The following GORAB variants were observed in gnomAD, a reference collection of about 807,000 sequenced individuals.
The protein encoded by GORAB is RAB6-interacting golgin.
In GORAB, 17 loss-of-function variants were observed where a neutral mutation model predicts 29.9. The ratio of observed to expected loss-of-function variants is 0.57; its 90% CI spans 0.39 to 0.85. The LOEUF is 0.85. GORAB is among the 40% of genes least tolerant of loss of function. The pLI is 0.00. For missense variants in GORAB, 442 were observed against 437.8 expected (o/e 1.01, Z -0.09); for synonymous variants, 183 against 157.2 (o/e 1.16, Z -1.23).
chr1:170,549,181 A>G (rs1025126152), intron 4 of GORAB, among the ~76,000 whole-genome samples: 23 of 152,224 alleles, frequency 1.5e-4, no homozygotes, highest in African/African-American at 2.2e-4. Flanking sequence ...AAACAGTTCT[A>G]TAATTACATT....
chr1:170,548,883 G>A (rs1467113296), intron 4 of GORAB, among the ~76,000 whole-genome samples: 1 of 151,882 alleles, frequency 6.6e-6, no homozygotes, highest in African/African-American at 2.4e-5. Flanking sequence ...TCTGGTAATT[G>A]CAAAATATAA....
Position 170,545,096 on chromosome 1 carries a change from CTT to C in GORAB, c.662+253_662+254del, listed in dbSNP as rs149098728. On this transcript the variant is annotated intron_variant, in intron 4 of 4. Transcript: ENST00000367763. Reference sequence around the variant, plus strand: ...TTGCATTATTTATTTACGTTTTAGTCTTTGCTGCGAAACCCTCAGCTATTTAA... The same window carrying C: ...TTGCATTATTTATTTACGTTTTAGTCTGCTGCGAAACCCTCAGCTATTTAA... The C allele has an allele frequency of 1.0e-3, 1,198 of 1,144,232 alleles. 11 individuals are homozygous for C. The African/African-American group carries it at 0.017, about 16-fold the overall frequency. The allele number at this position is 1,144,232 out of a possible 1,614,324, so 70.9% of individuals were successfully genotyped here. A position where few individuals can be genotyped will look rare whatever the true frequency, so the allele number is the denominator to read the frequency against.
intron 3 of GORAB, among the ~76,000 whole-genome samples, chr1:170,543,125 A>G (rs1390893813): frequency 6.6e-6 from 1 of 152,164 alleles, no homozygotes; most frequent in African/African-American, 2.4e-5. Context: ...TATTATGAGC[A>G]CTGTGTGAGA....
chr1:170,553,822 C>T lies in GORAB; in HGVS notation c.*1360C>T, dbSNP rs970004867. The T allele has an allele frequency of 2.2e-6, 1 of 452,760 alleles. No individual in the cohort carries two copies. Among genetic ancestry groups the T allele is most frequent in the African/African-American group, 2.0e-5 (1 of 49,944 alleles). The allele number at this position is 452,760 out of a possible 1,614,324, so 28.0% of individuals were successfully genotyped here. ...CACACTTCTTTTTCTAAGGAATAAA[C>T]AAGTCTGATGTACTTATAGTGTCTT... On this transcript the variant is annotated 3_prime_UTR_variant, in exon 5 of 5. Transcript: ENST00000367763.
intron 2 of GORAB, among the ~76,000 whole-genome samples, chr1:170,540,432 C>A (rs534229830): frequency 6.6e-6 from 1 of 151,048 alleles, no homozygotes; most frequent in Non-Finnish European, 1.5e-5. Flanking sequence ...TTTCTGAGTT[C>A]TTTTCAAAGT....
chr1:170,537,140 C>A (rs893895602), intron 1 of GORAB, among the ~76,000 whole-genome samples: 5 of 151,528 alleles, frequency 3.3e-5, no homozygotes, highest in Admixed American at 1.3e-4. Context: ...TCATTCCTTT[C>A]TTTCTTCTTT....
intron 1 of GORAB, among the ~76,000 whole-genome samples, chr1:170,535,847 T>C (rs1446269824): frequency 6.6e-6 from 1 of 152,092 alleles, no homozygotes; most frequent in Non-Finnish European, 1.5e-5. Context: ...GAGCCACCAC[T>C]CCAGGCCTTA....
In GORAB at chr1:170,539,327, T is replaced by G. The variant is rs760397381; in HGVS notation, c.179T>G (p.Leu60Ter). 2 of 1,614,064 alleles carry G rather than the reference T, an allele frequency of 1.2e-6. No individual in the cohort carries two copies. The highest frequency in any genetic ancestry group is 2.7e-5 in the African/African-American group (2 of 74,912). Residue 60 changes from leucine to a stop codon, truncating the protein, a stop_gained, in exon 2 of 5, where the codon TTA becomes TGA. Coordinates refer to ENST00000367763, the MANE Select transcript of GORAB (RefSeq NM_152281.3). LOFTEE classifies it high-confidence loss of function. ...GGGCTTCAAGATGGATCAACCTCAT[T>G]ACTTCCAGAGCAGCTGCTTTCAGCA... is the stretch of plus-strand genomic sequence containing the variant. ...KLGLQDGSTSLLPEQLLSAPK... is the reference protein window; with the variant it reads ...KLGLQDGSTS
Position 170,553,727 on chromosome 1 carries a change from A to G in GORAB, c.*1265A>G. 2.2e-6 allele frequency: 1 copy of G among 451,346 alleles called. No individual in the cohort carries two copies. The highest frequency in any genetic ancestry group is 4.4e-6 in the Non-Finnish European group (1 of 226,128). The allele number at this position is 451,346 out of a possible 1,614,324, so 28.0% of individuals were successfully genotyped here. On this transcript the variant is annotated 3_prime_UTR_variant, in exon 5 of 5. Coordinates refer to ENST00000367763, the MANE Select transcript of GORAB (RefSeq NM_152281.3). ...CATTTTACTACTGACTTCTCTAAAC[A>G]GAAGCATTTCTATAGATAGTTGTGC... is the stretch of plus-strand genomic sequence containing the variant.
At chr1:170,541,226 A>AAT (rs1553242489) in intron 2 of GORAB, among the ~76,000 whole-genome samples, 4 of 150,160 alleles carry the variant, frequency 2.7e-5, no homozygotes, top group Non-Finnish European at 3.0e-5. Context: ...AAAAAAAAAA[A>AAT]GCAGAACTGA....
In GORAB at chr1:170,539,334, A is replaced by C. The variant is rs766190900; in HGVS notation, c.186A>C (p.Pro62=). 1.2e-6 allele frequency: 2 copies of C among 1,614,084 alleles called. No individual in the cohort carries two copies. The highest frequency in any genetic ancestry group is 1.7e-6 in the Non-Finnish European group (2 of 1,180,030). Reference sequence around the variant, plus strand: ...AAGATGGATCAACCTCATTACTTCCAGAGCAGCTGCTTTCAGCACCAAAAC... The same window carrying C: ...AAGATGGATCAACCTCATTACTTCCCGAGCAGCTGCTTTCAGCACCAAAAC... ...GLQDGSTSLL[P]EQLLSAPKQR... The change falls in exon 2 of 5, where the codon CCA becomes CCC. Residue 62 remains proline, a synonymous_variant. Coordinates refer to ENST00000367763, the MANE Select transcript of GORAB (RefSeq NM_152281.3).
intron 4 of GORAB, among the ~76,000 whole-genome samples, chr1:170,548,077 A>G (rs956099533): frequency 5.3e-5 from 8 of 152,258 alleles, no homozygotes; most frequent in African/African-American, 1.9e-4. Flanking sequence ...ACTTAAAACA[A>G]CAGAAATTAC....
intron 1 of GORAB, chr1:170,533,437 C>T (rs1648840336): frequency 8.2e-6 from 3 of 364,508 alleles, no homozygotes; most frequent in Non-Finnish European, 1.8e-5. Flanking sequence ...GTGTTTTCAA[C>T]ATCCATTCAC....
intron 1 of GORAB, 183 bp downstream of exon 1, chr1:170,532,467 G>A (rs939234838): frequency 7.6e-6 from 5 of 659,026 alleles, no homozygotes; most frequent in African/African-American, 7.1e-5. Context: ...CGACGGGAGG[G>A]GCAAGCCAGA....
chr1:170,552,403 C>A lies in GORAB; in HGVS notation c.1051C>A (p.Leu351Ile). ...TGGAAATTCCAGTAGCATCCCCTTTCTTAGTCCAAACTGCCCAAATCAAGA... is the reference window on the plus strand; with the variant it reads ...TGGAAATTCCAGTAGCATCCCCTTTATTAGTCCAAACTGCCCAAATCAAGA... ...QCGNSSSIPF[L>I]SPNCPNQEGN... Residue 351 changes from leucine (L) to isoleucine (I), a missense_variant, in exon 5 of 5, where the codon CTT becomes ATT. Coordinates refer to ENST00000367763, the MANE Select transcript of GORAB (RefSeq NM_152281.3). The A allele has an allele frequency of 6.2e-7, 1 of 1,614,088 alleles. No individual in the cohort carries two copies. The highest frequency in any genetic ancestry group is 8.5e-7 in the Non-Finnish European group (1 of 1,179,938).
At chr1:170,540,522 C>T (rs925986071) in intron 2 of GORAB, among the ~76,000 whole-genome samples, 34 of 151,874 alleles carry the variant, frequency 2.2e-4, no homozygotes, top group Non-Finnish European at 7.4e-5. Flanking sequence ...AAAATGTTTC[C>T]TGTCCACTAG....
intron 1 of GORAB, among the ~76,000 whole-genome samples, chr1:170,537,628 A>G (rs768551812): frequency 2.0e-5 from 3 of 152,192 alleles, no homozygotes; most frequent in African/African-American, 7.2e-5. Context: ...ATATCTGGCT[A>G]TGGTGACCTA....
intron 2 of GORAB, among the ~76,000 whole-genome samples, chr1:170,539,972 T>C (rs1310654311): frequency 2.0e-5 from 3 of 151,054 alleles, no homozygotes; most frequent in Non-Finnish European, 4.4e-5. Flanking sequence ...TCTTTCTTTT[T>C]TTTTTTTTTT....
intron 3 of GORAB, among the ~76,000 whole-genome samples, chr1:170,543,165 A>G (rs560381029): frequency 2.0e-5 from 3 of 152,160 alleles, no homozygotes; most frequent in East Asian, 1.9e-4. Context: ...TCCAGTGTCT[A>G]TCAGCAGCCC....
Sources: allele counts gnomAD v4.1 joint callset (sites outside exome capture counted in the v4.1 genomes callset), GRCh38; gene constraint gnomAD v4.1.1; transcripts MANE v1.5; gene names NCBI Gene and HGNC (gene_info 2026-07-23, HGNC 2026-07-21).